The following DIS3L2 variants were observed in gnomAD, a reference collection of about 807,000 sequenced individuals.
DIS3L2 encodes DIS3-like exonuclease 2.
Under a neutral mutation model 97.5 loss-of-function variants are expected in DIS3L2, and 34 were observed. The ratio of observed to expected loss-of-function variants is 0.35; its 90% confidence interval spans 0.27 to 0.46. DIS3L2 has a LOEUF of 0.46. Among genes scored for constraint, DIS3L2 ranks in the 20% least tolerant of loss-of-function variants. The pLI, the probability that DIS3L2 is intolerant of heterozygous loss-of-function variation, is 1.00. For missense variants in DIS3L2, 1,038 were observed against 1,146.0 expected, an observed-to-expected ratio of 0.91 and a Z score of 1.36; for synonymous variants, 435 against 445.2, an observed-to-expected ratio of 0.98 and a Z score of 0.29.
chr2:232,073,549 T>G (rs1327132704), intron 5 of DIS3L2, among the ~76,000 whole-genome samples: 2 of 152,220 alleles, frequency 1.3e-5, no homozygotes, highest in Non-Finnish European at 2.9e-5. Context: ...CTTGCTCTTT[T>G]TATAAGATTT....
rs1220513391 is a variant in DIS3L2, at chr2:232,336,676, C to T, written c.*46C>T. On this transcript the variant is annotated 3_prime_UTR_variant, in exon 21 of 21. Transcript: ENST00000325385. ...CGCCTGCCCCGCCTGCCTGTCCCGC[C>T]ACACTGGCTTTAGGACCTGTTGACA... 2 of 1,575,744 alleles carry T rather than the reference C, an allele frequency of 1.3e-6. No individual in the cohort carries two copies.
chr2:232,016,855 A>T (rs1002370143), intron 3 of DIS3L2, among the ~76,000 whole-genome samples: 2 of 151,886 alleles, frequency 1.3e-5, no homozygotes, highest in Non-Finnish European at 2.9e-5. Flanking sequence ...TTGGCTGAAG[A>T]TCTAACCAAT....
At chr2:232,182,723 A>G (rs2106185773) in intron 9 of DIS3L2, among the ~76,000 whole-genome samples, 1 of 152,242 alleles carries the variant, frequency 6.6e-6, no homozygotes, top group East Asian at 1.9e-4. Flanking sequence ...GTCTGCTATT[A>G]GTTTGGCTAC....
intron 3 of DIS3L2, among the ~76,000 whole-genome samples, chr2:232,016,899 CCCCT>C (rs938573264): frequency 5.9e-4 from 79 of 133,864 alleles, no homozygotes; most frequent in Middle Eastern, 3.6e-3. Context: ...TCCTTTTTGT[CCCCT>C]CCCTCCCTCC....
intron 5 of DIS3L2, among the ~76,000 whole-genome samples, chr2:232,033,530 G>A (rs1417414343): frequency 1.3e-5 from 2 of 152,146 alleles, no homozygotes; most frequent in Non-Finnish European, 2.9e-5. Context: ...GCTGAGAGAG[G>A]GCATCCTTGT....
At chr2:232,336,189 T>G in intron 20 of DIS3L2, 2 of 1,533,578 alleles carry the variant, frequency 1.3e-6, no homozygotes, top group South Asian at 1.2e-5. Context: ...CCCAAGAAAT[T>G]GTCTGGAACC....
chr2:231,987,146 C>T (rs1559517583), intron 1 of DIS3L2, among the ~76,000 whole-genome samples: 1 of 152,192 alleles, frequency 6.6e-6, no homozygotes, highest in Non-Finnish European at 1.5e-5. Context: ...ATAGTTTCTT[C>T]CAGGACATTC....
chr2:232,271,239 T>C (rs1694000756), intron 13 of DIS3L2, among the ~76,000 whole-genome samples: 1 of 152,142 alleles, frequency 6.6e-6, no homozygotes, highest in African/African-American at 2.4e-5. Context: ...AGAAACCCAT[T>C]GTGTTTGAAG....
chr2:232,137,343 C>G (rs1435186380), intron 8 of DIS3L2, among the ~76,000 whole-genome samples: 1 of 152,182 alleles, frequency 6.6e-6, no homozygotes, highest in African/African-American at 2.4e-5. Context: ...GTTGTTTGAC[C>G]AAATGCTATG....
At chr2:232,054,033 C>T (rs562853232) in intron 5 of DIS3L2, among the ~76,000 whole-genome samples, 3 of 152,238 alleles carry the variant, frequency 2.0e-5, no homozygotes, top group Admixed American at 1.3e-4. Flanking sequence ...GAGGTATGTT[C>T]GAAAAGGGCT....
At chr2:232,015,453 T>C in intron 2 of DIS3L2, 61 bp from the exon 3 acceptor site, 1 of 1,575,640 alleles carries the variant, frequency 6.3e-7, no homozygotes, top group Non-Finnish European at 8.6e-7. Context: ...GTATAATATC[T>C]CCAGTTTTAA....
chr2:232,265,886 G>A (rs1693845600), intron 13 of DIS3L2, among the ~76,000 whole-genome samples: 2 of 152,182 alleles, frequency 1.3e-5, no homozygotes, highest in Admixed American at 1.3e-4. Flanking sequence ...TAGAATTCCG[G>A]TTAGCATTCC....
intron 12 of DIS3L2, among the ~76,000 whole-genome samples, chr2:232,259,389 T>C (rs768188392): frequency 3.9e-5 from 6 of 152,044 alleles, no homozygotes; most frequent in Non-Finnish European, 8.8e-5. Context: ...AGCTGCTGCT[T>C]TGGGCAAGTC....
At chr2:231,985,899 CAG>C (rs1475475787) in intron 1 of DIS3L2, among the ~76,000 whole-genome samples, 1 of 152,170 alleles carries the variant, frequency 6.6e-6, no homozygotes, top group Non-Finnish European at 1.5e-5. Context: ...ACATTTCAGT[CAG>C]TGGACTGGGA....
At chr2:232,232,262 G>A (rs752982909) in intron 10 of DIS3L2, among the ~76,000 whole-genome samples, 20 of 152,182 alleles carry the variant, frequency 1.3e-4, no homozygotes, top group Non-Finnish European at 2.6e-4. Context: ...GGCCAGGCAG[G>A]CCACAGAAGC....
At chr2:231,966,171 C>CTTTT (rs59059695) in intron 1 of DIS3L2, among the ~76,000 whole-genome samples, 1 of 140,474 alleles carries the variant, frequency 7.1e-6, no homozygotes, top group African/African-American at 2.6e-5. Flanking sequence ...TCTTCTTCTT[C>CTTTT]TTTTTTTTTT....
chr2:232,319,383 A>G (rs1271486070), intron 14 of DIS3L2, among the ~76,000 whole-genome samples: 1 of 152,232 alleles, frequency 6.6e-6, no homozygotes, highest in African/African-American at 2.4e-5. Flanking sequence ...ATGGCACATG[A>G]GGAACTGGGC....
intron 6 of DIS3L2, among the ~76,000 whole-genome samples, chr2:232,116,548 A>C (rs750240521): frequency 6.6e-6 from 1 of 152,214 alleles, no homozygotes; most frequent in Non-Finnish European, 1.5e-5. Flanking sequence ...AGGTTTTTCA[A>C]GTCATGCAAC....
intron 8 of DIS3L2, among the ~76,000 whole-genome samples, chr2:232,156,136 C>T (rs1207224561): frequency 1.3e-5 from 2 of 152,118 alleles, no homozygotes; most frequent in African/African-American, 4.8e-5. Flanking sequence ...TTAAACTCTA[C>T]TTGCCCAGTT....
Sources: gnomAD v4.1 joint callset for allele counts (sites outside exome capture counted in the v4.1 genomes callset) on GRCh38, gnomAD v4.1.1 for gene constraint, MANE v1.5 for transcripts, NCBI Gene and HGNC (gene_info 2026-07-23, HGNC 2026-07-21) for gene names.